Variants in MYO1G observed in about 807,000 individuals in gnomAD.
The protein encoded by MYO1G is myosin IG.
A neutral mutation model predicts 115.3 loss-of-function variants in MYO1G; 65 were observed. The observed-to-expected ratio is 0.56, with a 90% CI of 0.46 to 0.69. The LOEUF (loss-of-function observed/expected upper bound fraction) is 0.69. Ranked by LOEUF, MYO1G falls within the 30% of genes least tolerant of loss-of-function variation. The pLI is 0.00. For synonymous variants in MYO1G, 510 were observed against 552.6 expected, an observed-to-expected ratio of 0.92 and a Z score of 1.08; for missense variants, 1,204 against 1,393.5, an observed-to-expected ratio of 0.86 and a Z score of 2.16.
chr7:44,975,473 C>T lies in MYO1G; in HGVS notation c.564+11G>A. On this transcript the variant is annotated intron_variant, in intron 4 of 21. Transcript: ENST00000258787. ...GCTCCCCATGGAGGTCTCCTCAGCC[C>T]ACCTGCCCACCTTCTCCAGTAGGTA... 1 of 1,602,114 alleles carries T rather than the reference C, an allele frequency of 6.2e-7. No homozygotes were observed. Among genetic ancestry groups the T allele is most frequent in the Non-Finnish European group, 8.5e-7 (1 of 1,172,462 alleles).
intron 5 of MYO1G, chr7:44,973,668 CAG>C (rs1445723131): frequency 6.6e-6 from 1 of 150,596 alleles, no homozygotes; most frequent in African/African-American, 2.4e-5. Context: ...ATGGGGAGCT[CAG>C]AGTCTGTGGA....
Position 44,970,573 on chromosome 7 carries a change from T to C in MYO1G, c.1217+19A>G, listed in dbSNP as rs201553692. 5 of 1,611,820 alleles carry C rather than the reference T, an allele frequency of 3.1e-6. No individual in the cohort carries two copies. The highest frequency in any genetic ancestry group is 4.2e-6 in the Non-Finnish European group (5 of 1,179,694). On this transcript the variant is annotated intron_variant, in intron 9 of 21. Coordinates refer to ENST00000258787, the MANE Select transcript of MYO1G (RefSeq NM_033054.3). ...CTGCTGGGTGTCAGAGGTGGAGATGTGGCTGGCCAGCCACCCACCTGTTGA... is the reference window on the plus strand; with the variant it reads ...CTGCTGGGTGTCAGAGGTGGAGATGCGGCTGGCCAGCCACCCACCTGTTGA...
At position 44,976,905 on chromosome 7, in the gene MYO1G, C is replaced by T. The variant is rs1461748486; in HGVS notation, c.262G>A (p.Ala88Thr). ...LYAVANAAYK[A>T]MKHRSRDTCI... is the part of the protein sequence containing the mutation. ...GTGTCCCTGGACCGGTGCTTCATTG[C>T]CTTGTAGGCGGCGTTGGCCACAGCA... Residue 88 changes from alanine (A) to threonine (T), a missense_variant, in exon 2 of 22, where the codon GCA becomes ACA. Ala to Thr is a moderately conservative substitution (Grantham distance 58). Coordinates refer to ENST00000258787, the MANE Select transcript of MYO1G (RefSeq NM_033054.3). The T allele has an allele frequency of 6.2e-7, 1 of 1,613,458 alleles. No individual in the cohort carries two copies.
intron 1 of MYO1G, among the ~76,000 whole-genome samples, chr7:44,978,000 T>C (rs1795089383): frequency 6.6e-6 from 1 of 152,162 alleles, no homozygotes; most frequent in South Asian, 2.1e-4. Context: ...CATAAGCTCA[T>C]TTTATAAGAA....
rs1223457342 is a variant in MYO1G at position 44,971,684 on chromosome 7, T to C, written c.835A>G (p.Ile279Val). The C allele has an allele frequency of 7.1e-6, 11 of 1,558,728 alleles. No individual in the cohort carries two copies. Among genetic ancestry groups the C allele is most frequent in the South Asian group, 1.2e-5 (1 of 84,500 alleles). The change falls in exon 7 of 22, where the codon ATA becomes GTA. Residue 279 changes from isoleucine (I) to valine (V), a missense_variant. Transcript: ENST00000258787. The stretch of plus-strand genomic sequence containing the variant: ...TGAGCCAGGCTCACCAGGTGCAATA[T>C]GGCAGCCAGGATGCGATGCACAGAC... ...VESVHRILAA[I>V]LHLGNIEFVE...
Position 44,971,790 on chromosome 7 carries a change from C to T in MYO1G, c.730-1G>A, listed in dbSNP as rs1192451663. 1.3e-6 allele frequency: 2 copies of T among 1,554,092 alleles called. No homozygotes were observed. Among genetic ancestry groups the T allele is most frequent in the Non-Finnish European group, 1.7e-6 (2 of 1,147,574 alleles). On this transcript the variant is annotated splice_acceptor_variant, in intron 6 of 21. Transcript: ENST00000258787. LOFTEE classifies it high-confidence loss of function. ...GGCTCTGCTCATCACTGTCCAAGGC[C>T]TAGGGTAGAAGGGATTCATCACTCC...
chr7:44,971,077 A>G lies in MYO1G; in HGVS notation c.847-18T>C, dbSNP rs1289952436. 1 of 1,599,166 alleles carries G rather than the reference A, an allele frequency of 6.3e-7. No homozygotes were observed. The highest frequency in any genetic ancestry group is 8.5e-7 in the Non-Finnish European group (1 of 1,173,138). On this transcript the variant is annotated intron_variant, in intron 7 of 21. Coordinates refer to ENST00000258787, the MANE Select transcript of MYO1G (RefSeq NM_033054.3). The stretch of plus-strand genomic sequence containing the variant: ...ATGTTTCCCTGGTGATGGGAAAACC[A>G]TGAACAGTCCGGGCTCCATGTCTCA...
Position 44,969,277 on chromosome 7 carries a change from G to A in MYO1G, c.1574+136C>T. On this transcript the variant is annotated intron_variant, in intron 12 of 21. Coordinates refer to ENST00000258787, the MANE Select transcript of MYO1G (RefSeq NM_033054.3). This position sits in a 1 kb window ranked among gnomAD's most constrained non-coding sequence, Gnocchi z 5.0. Reference sequence around the variant, plus strand: ...AATCTGCTGTCCGGCATGTTTCAGTGTCTTAAAGGGGTGGGGGTGGCAGAA... The same window carrying A: ...AATCTGCTGTCCGGCATGTTTCAGTATCTTAAAGGGGTGGGGGTGGCAGAA... 1 of 781,050 alleles carries A rather than the reference G, an allele frequency of 1.3e-6. No individual in the cohort carries two copies. Among genetic ancestry groups the A allele is most frequent in the Non-Finnish European group, 2.3e-6 (1 of 438,508 alleles). 48.4% of individuals were successfully genotyped at this position (781,050 alleles called of 1,614,324 possible).
Position 44,966,418 on chromosome 7 carries a change from G to T in MYO1G, c.1950-138C>A. The T allele has an allele frequency of 1.2e-6, 1 of 861,470 alleles. No homozygotes were observed. The highest frequency in any genetic ancestry group is 1.9e-6 in the Non-Finnish European group (1 of 532,060). 53.4% of individuals were successfully genotyped at this position (861,470 alleles called of 1,614,324 possible). A position where few individuals can be genotyped will look rare whatever the true frequency, so the allele number is the denominator to read the frequency against. ...GCACTTATGACACCTGTGCACATAT[G>T]TCTTCCCATACACATGTCCTCACAT... On this transcript the variant is annotated intron_variant, in intron 15 of 21. Transcript: ENST00000258787. This position sits in a 1 kb window ranked among gnomAD's most constrained non-coding sequence, Gnocchi z 5.0.
chr7:44,971,966 G>A, intron 6 of MYO1G, 149 bp downstream of exon 6: 1 of 766,594 alleles, frequency 1.3e-6, no homozygotes, highest in Non-Finnish European at 2.2e-6. Context: ...CCCTCCATCA[G>A]CCATTTTCAC....
rs1430814304 is a variant in MYO1G, at chr7:44,978,989, C to A, written c.-28G>T. 1.9e-6 allele frequency: 3 copies of A among 1,608,308 alleles called. No individual in the cohort carries two copies. The highest frequency in any genetic ancestry group is 2.6e-6 in the Non-Finnish European group (3 of 1,174,874). ...TGCCGGCTGGAAACACCTTGCCTCA[C>A]CTTCCTGTGCCTGCTGGAAGGACAG... On this transcript the variant is annotated 5_prime_UTR_variant, in exon 1 of 22. Transcript: ENST00000258787.
chr7:44,974,374 A>G (rs1795011195), intron 5 of MYO1G: 1 of 151,084 alleles, frequency 6.6e-6, no homozygotes, highest in Admixed American at 6.6e-5. Flanking sequence ...CTCAGTAAAG[A>G]GCTCAGAATC....
In MYO1G at chr7:44,966,223, T is replaced by A; in HGVS notation, c.2007A>T (p.Ala669=). 1.9e-6 allele frequency: 3 copies of A among 1,612,436 alleles called. No homozygotes were observed. The highest frequency in any genetic ancestry group is 2.5e-6 in the Non-Finnish European group (3 of 1,179,794). ...WPNHLLGSDK[A]AVSALLEQHG... is the part of the protein sequence containing the mutation. ...GCTGCTCCAGGAGAGCGCTCACGGC[T>A]GCCTTGTCGGAGCCCAGCAGGTGGT... Residue 669 remains alanine (A), a synonymous_variant, in exon 16 of 22, where the codon GCA becomes GCT. Transcript: ENST00000258787. The surrounding 1 kb of genome is among the most constrained non-coding windows in gnomAD (Gnocchi z 5.0).
chr7:44,969,263 C>T lies in MYO1G; in HGVS notation c.1574+150G>A, dbSNP rs556211179. 31 of 726,794 alleles carry T rather than the reference C, an allele frequency of 4.3e-5. No homozygotes were observed. Among genetic ancestry groups the T allele is most frequent in the Middle Eastern group, 3.6e-4 (1 of 2,802 alleles). 45.0% of individuals were successfully genotyped at this position (726,794 alleles called of 1,614,324 possible). A position where few individuals can be genotyped will look rare whatever the true frequency, so the allele number is the denominator to read the frequency against. On this transcript the variant is annotated intron_variant, in intron 12 of 21. Coordinates refer to ENST00000258787, the MANE Select transcript of MYO1G (RefSeq NM_033054.3). The surrounding 1 kb of genome is among the most constrained non-coding windows in gnomAD (Gnocchi z 5.0). ...GCTCTTCACTTGTGAATCTGCTGTCCGGCATGTTTCAGTGTCTTAAAGGGG... is the reference window on the plus strand; with the variant it reads ...GCTCTTCACTTGTGAATCTGCTGTCTGGCATGTTTCAGTGTCTTAAAGGGG...
In MYO1G at chr7:44,969,371, C is replaced by G; in HGVS notation, c.1574+42G>C. The stretch of plus-strand genomic sequence containing the variant: ...CTGCCCCATGACACATGCCATGGTG[C>G]CTGTGGGAAAGCCAGGGATGTGGGT... On this transcript the variant is annotated intron_variant, in intron 12 of 21. Coordinates refer to ENST00000258787, the MANE Select transcript of MYO1G (RefSeq NM_033054.3). The surrounding 1 kb of genome is among the most constrained non-coding windows in gnomAD (Gnocchi z 5.0). 1 of 1,604,636 alleles carries G rather than the reference C, an allele frequency of 6.2e-7. No homozygotes were observed. Among genetic ancestry groups the G allele is most frequent in the African/African-American group, 1.3e-5 (1 of 74,852 alleles).
Position 44,965,065 on chromosome 7 carries a change from C to T in MYO1G, c.2406G>A (p.Lys802=). 6.2e-7 allele frequency: 1 copy of T among 1,608,866 alleles called. No homozygotes were observed. The highest frequency in any genetic ancestry group is 8.5e-7 in the Non-Finnish European group (1 of 1,176,520). ...FCRWRARQLV[K]NIPPSDMPQI... is the part of the protein sequence containing the mutation. Reference sequence around the variant, plus strand: ...GGGGCATGTCTGAAGGGGGGATGTTCTTCACCAGCTGCCGGGCCCGCCACC... The same window carrying T: ...GGGGCATGTCTGAAGGGGGGATGTTTTTCACCAGCTGCCGGGCCCGCCACC... The change falls in exon 18 of 22, where the codon AAG becomes AAA. Residue 802 remains lysine (K), a synonymous_variant. Transcript: ENST00000258787.
In MYO1G at chr7:44,967,670, G is replaced by C; in HGVS notation, c.1717C>G (p.Pro573Ala). The part of the protein sequence containing the change: ...QQDITEVTKR[P>A]LTAGTLFKNS... Reference sequence around the variant, plus strand: ...TTGAAGAGTGTGCCAGCCGTCAGGGGGCGCTTGGTCACCTCTGTGATGTCC... The same window carrying C: ...TTGAAGAGTGTGCCAGCCGTCAGGGCGCGCTTGGTCACCTCTGTGATGTCC... Residue 573 changes from proline (P) to alanine (A), a missense_variant, in exon 14 of 22, where the codon CCC becomes GCC. Coordinates refer to ENST00000258787, the MANE Select transcript of MYO1G (RefSeq NM_033054.3). 6.2e-7 allele frequency: 1 copy of C among 1,613,762 alleles called. No individual in the cohort carries two copies. Among genetic ancestry groups the C allele is most frequent in the Non-Finnish European group, 8.5e-7 (1 of 1,180,006 alleles).
At chr7:44,975,696 G>A in intron 3 of MYO1G, 47 bp from the exon 4 acceptor site, 1 of 1,514,962 alleles carries the variant, frequency 6.6e-7, no homozygotes, top group South Asian at 1.3e-5. Context: ...CTTCCCATCT[G>A]GGGAATGCTG....
At position 44,966,857 on chromosome 7, in the gene MYO1G, C is replaced by T; in HGVS notation, c.1783-19G>A. 1 of 1,588,574 alleles carries T rather than the reference C, an allele frequency of 6.3e-7. No individual in the cohort carries two copies. Among genetic ancestry groups the T allele is most frequent in the Non-Finnish European group, 8.6e-7 (1 of 1,165,960 alleles). On this transcript the variant is annotated intron_variant, in intron 14 of 21. Coordinates refer to ENST00000258787, the MANE Select transcript of MYO1G (RefSeq NM_033054.3). The surrounding 1 kb of genome is among the most constrained non-coding windows in gnomAD (Gnocchi z 5.0). ...AGGGCTCCTGCAGGGACAGAGGGGA[C>T]TTGGAGAGGGTCTGCGCCAGCAGCA...
Sources: gnomAD v4.1 joint callset for allele counts (sites outside exome capture counted in the v4.1 genomes callset) on GRCh38, gnomAD v4.1.1 for gene constraint, Gnocchi (gnomAD v3.1) non-coding constraint, MANE v1.5 for transcripts, NCBI Gene and HGNC (gene_info 2026-07-23, HGNC 2026-07-21) for gene names.